Variants in GGT1 observed in about 807,000 individuals in gnomAD.
GGT1 encodes gamma-glutamyltransferase 1.
Under a neutral mutation model 56.0 loss-of-function variants are expected in GGT1, and 21 were observed. That is an observed-to-expected ratio of 0.38 (90% confidence interval 0.27 to 0.54). The LOEUF (loss-of-function observed/expected upper bound fraction) is 0.54. Ranked by LOEUF, GGT1 falls within the 20% of genes least tolerant of loss-of-function variation. The pLI is 0.82. For missense variants in GGT1, 466 were observed against 787.0 expected, an observed-to-expected ratio of 0.59 and a Z score of 4.88; for synonymous variants, 238 against 342.6, an observed-to-expected ratio of 0.69 and a Z score of 3.37.
chr22:24,612,752 C>A (rs1472775186), intron 5 of GGT1, among the ~76,000 whole-genome samples: 1 of 152,176 alleles, frequency 6.6e-6, no homozygotes, highest in Non-Finnish European at 1.5e-5. Flanking sequence ...GTCTCAAACT[C>A]CTGACCTCAG....
chr22:24,614,738 G>A lies in GGT1; in HGVS notation c.165-38G>A, dbSNP rs1362232301. The A allele has an allele frequency of 1.1e-5, 17 of 1,609,462 alleles. No individual in the cohort carries two copies. The East Asian group carries it at 3.8e-4, about 36-fold the overall frequency. ...GTGTGTATGCGGGGCCAGGGTGGAA[G>A]CCTGCAGGTTCTCATGCCTTTATGT... On this transcript the variant is annotated intron_variant, in intron 5 of 15. Transcript: ENST00000400382.
intron 5 of GGT1, among the ~76,000 whole-genome samples, chr22:24,614,348 CA>C (rs534749815): frequency 0.032 from 343 of 10,730 alleles, no homozygotes; most frequent in African/African-American, 0.052. Flanking sequence ...GACTTTGTCT[CA>C]AAAAAAAAAA....
chr22:24,593,030 G>C (rs1203999119), upstream of GGT1: 1 of 1,055,776 alleles, frequency 9.5e-7, no homozygotes, highest in African/African-American at 1.7e-5. Flanking sequence ...CGGCCCAGCC[G>C]CGCCCCCATG....
chr22:24,624,073 G>A, intron 11 of GGT1, 157 bp downstream of exon 11: 2 of 985,400 alleles, frequency 2.0e-6, no homozygotes, highest in African/African-American at 3.5e-5. Flanking sequence ...TGGACTCGTG[G>A]GTGACCCCCA....
At chr22:24,611,318 CT>C (rs1212923584) in intron 5 of GGT1, 73 bp downstream of exon 5, 4 of 924,304 alleles carry the variant, frequency 4.3e-6, no homozygotes, top group Middle Eastern at 3.2e-4. Context: ...CTTCACCCCC[CT>C]GAGACTCAGT....
At chr22:24,593,953 C>A (rs2154611), upstream of GGT1, among the ~76,000 whole-genome samples, 1 of 152,002 alleles carries the variant, frequency 6.6e-6, no homozygotes, top group Non-Finnish European at 1.5e-5. Context: ...ATAAACCGGA[C>A]GAAGAGTCAG....
chr22:24,612,908 C>T (rs556602688), intron 5 of GGT1, among the ~76,000 whole-genome samples: 1 of 152,282 alleles, frequency 6.6e-6, no homozygotes, highest in South Asian at 2.1e-4. Context: ...CCACTGCAGC[C>T]TCAAACTCTT....
At chr22:24,596,742 CAAAA>C (rs57547019) in intron 1 of GGT1, among the ~76,000 whole-genome samples, 253 of 108,324 alleles carry the variant, frequency 2.3e-3, no homozygotes, top group African/African-American at 7.4e-3. Flanking sequence ...TACTAAAATA[CAAAA>C]AAAAAAAAAA....
chr22:24,599,801 G>A (rs9624504), upstream of GGT1, among the ~76,000 whole-genome samples: 5,293 of 152,286 alleles, frequency 0.035, 313 homozygotes, highest in African/African-American at 0.12. Flanking sequence ...GGAAGGTGCT[G>A]CTATGAGGCA....
upstream of GGT1, among the ~76,000 whole-genome samples, chr22:24,598,579 T>G (rs577209933): frequency 6.6e-5 from 10 of 151,952 alleles, no homozygotes; most frequent in South Asian, 1.0e-3. Context: ...GATGAGTTGG[T>G]TTTTTTTGTT....
chr22:24,605,259 T>TATATATTATATAATATGTATC, intron 1 of GGT1, among the ~76,000 whole-genome samples: 1 of 29,882 alleles, frequency 3.3e-5, no homozygotes, highest in Non-Finnish European at 5.2e-5. Context: ...TAATATGTAT[T>TATATATTATATAATATGTATC]ATATATTATA....
the GGT1 span, chr22:24,589,500 C>T: frequency 1.9e-6 from 1 of 528,792 alleles, no homozygotes; most frequent in Non-Finnish European, 2.7e-6. Context: ...AGTCTGTGAC[C>T]CGCAGGGTCC....
the GGT1 span, among the ~76,000 whole-genome samples, chr22:24,588,007 C>T: frequency 2.0e-5 from 3 of 152,234 alleles, no homozygotes; most frequent in East Asian, 3.9e-4. Context: ...AAATGCCAAA[C>T]GGGTCACTCA....
intron 2 of GGT1, chr22:24,609,697 G>A: frequency 3.3e-6 from 1 of 298,522 alleles, no homozygotes; most frequent in South Asian, 2.8e-5. Flanking sequence ...TGTGGGAGAG[G>A]GGAACCCCAA....
chr22:24,600,128 A>T (rs1403383543), upstream of GGT1, among the ~76,000 whole-genome samples: 1 of 152,156 alleles, frequency 6.6e-6, no homozygotes, highest in Non-Finnish European at 1.5e-5. Context: ...GGCGGCCAGG[A>T]GGGGGGCCCT....
chr22:24,602,307 C>T (rs1359711696), upstream of GGT1, among the ~76,000 whole-genome samples: 1 of 152,216 alleles, frequency 6.6e-6, no homozygotes. Flanking sequence ...GGCTCTTCCC[C>T]CTGGGGTGAC....
chr22:24,604,073 C>T (rs1289974759), intron 1 of GGT1, among the ~76,000 whole-genome samples: 1 of 151,952 alleles, frequency 6.6e-6, no homozygotes, highest in Non-Finnish European at 1.5e-5. Flanking sequence ...AGACAGATTC[C>T]AACTCCACGT....
chr22:24,595,009 A>C (rs2045669058), intron 1 of GGT1: 1 of 152,148 alleles, frequency 6.6e-6, no homozygotes, highest in Non-Finnish European at 1.5e-5. Flanking sequence ...CTCAAATGTG[A>C]GAATACTGGG....
the GGT1 span, chr22:24,586,286 G>T: frequency 2.5e-6 from 4 of 1,613,858 alleles, no homozygotes; most frequent in African/African-American, 5.3e-5. Context: ...GTCCAGCACC[G>T]CCAGCACAGC....
Sources: gnomAD v4.1 joint callset for allele counts (sites outside exome capture counted in the v4.1 genomes callset) on GRCh38, gnomAD v4.1.1 for gene constraint, MANE v1.5 for transcripts, NCBI Gene and HGNC (gene_info 2026-07-23, HGNC 2026-07-21) for gene names.